SDK1: variants seen among roughly 807,000 people sequenced by gnomAD.
The protein encoded by SDK1 is sidekick cell adhesion molecule 1.
In SDK1, 157 loss-of-function variants were observed where a neutral mutation model predicts 245.5. The observed-to-expected ratio is 0.64, with a 90% CI of 0.56 to 0.73. The LOEUF is 0.73. Ranked by LOEUF, SDK1 falls within the 30% of genes least tolerant of loss-of-function variation. The pLI is 0.00. For missense variants in SDK1, 3,583 were observed against 3,002.3 expected (o/e 1.19, Z -4.52); for synonymous variants, 1,647 against 1,278.5 (o/e 1.29, Z -6.15).
In SDK1 at chr7:4,267,400, A is replaced by G; in HGVS notation, c.*2016A>G. Reference sequence around the variant, plus strand: ...GGAAATATTCTAAACCAAAAATCCTAGATGCTCTGCCCAAAGCCACTTCTG... The same window carrying G: ...GGAAATATTCTAAACCAAAAATCCTGGATGCTCTGCCCAAAGCCACTTCTG... On this transcript the variant is annotated 3_prime_UTR_variant, in exon 45 of 45. Transcript: ENST00000404826. The G allele has an allele frequency of 1.3e-5, 13 of 984,902 alleles. No homozygotes were observed. Among genetic ancestry groups the G allele is most frequent in the African/African-American group, 1.8e-5 (1 of 57,116 alleles). 61.0% of individuals were successfully genotyped at this position (984,902 alleles called of 1,614,324 possible). A position where few individuals can be genotyped will look rare whatever the true frequency, so the allele number is the denominator to read the frequency against.
intron 1 of SDK1, among the ~76,000 whole-genome samples, chr7:3,612,829 C>T (rs1226322398): frequency 6.6e-6 from 1 of 152,136 alleles, no homozygotes; most frequent in Non-Finnish European, 1.5e-5. Context: ...ACCTGATTGA[C>T]GGTGCTGATT....
chr7:3,852,302 G>T (rs2115103806), intron 5 of SDK1, among the ~76,000 whole-genome samples: 1 of 152,050 alleles, frequency 6.6e-6, no homozygotes, highest in East Asian at 1.9e-4. Flanking sequence ...ATGGCACCAG[G>T]CCTTTGAAGG....
At chr7:3,318,830 G>A (rs1779725849) in intron 1 of SDK1, among the ~76,000 whole-genome samples, 1 of 152,200 alleles carries the variant, frequency 6.6e-6, no homozygotes, top group Non-Finnish European at 1.5e-5. Context: ...ATGCTCCAGA[G>A]TGAATTTAAT....
intron 5 of SDK1, among the ~76,000 whole-genome samples, chr7:3,851,557 A>G (rs1182090320): frequency 1.3e-5 from 2 of 151,398 alleles, no homozygotes; most frequent in African/African-American, 4.9e-5. Context: ...AATTGAGATC[A>G]GTAATATCTT....
In SDK1 at chr7:4,237,779, G is replaced by A. The variant is rs765400808; in HGVS notation, c.6125G>A (p.Ser2042Asn). ...HGQNKKYKNC[S>N]TGKGISTMEE... is the part of the protein sequence containing the mutation. ...CAGAATAAGAAGTATAAGAACTGCA[G>A]CACAGGTGCAGGTCCAGCCCCTTCC... Residue 2042 changes from serine (S) to asparagine (N), a missense_variant, in exon 42 of 45, where the codon AGC becomes AAC. Physicochemically the swap from Ser to Asn is conservative, Grantham distance 46. Transcript: ENST00000404826. The A allele has an allele frequency of 3.1e-6, 5 of 1,614,156 alleles. 1 individual carries two copies. The highest frequency in any genetic ancestry group is 2.2e-5 in the South Asian group (2 of 91,088).
intron 35 of SDK1, among the ~76,000 whole-genome samples, chr7:4,192,879 A>G (rs1250765976): frequency 2.0e-5 from 3 of 151,768 alleles, no homozygotes; most frequent in African/African-American, 7.3e-5. Context: ...GACATCATAT[A>G]TAGAGGTTTA....
At chr7:3,932,948 G>A (rs764617929) in intron 5 of SDK1, among the ~76,000 whole-genome samples, 1 of 151,616 alleles carries the variant, frequency 6.6e-6, no homozygotes, top group African/African-American at 2.4e-5. Context: ...CAGAATCAGG[G>A]CTCTCCACTC....
intron 1 of SDK1, among the ~76,000 whole-genome samples, chr7:3,318,965 T>C (rs998763810): frequency 1.3e-5 from 2 of 151,904 alleles, no homozygotes; most frequent in African/African-American, 2.4e-5. Context: ...AATGTGGGGC[T>C]GAAATGCCAC....
At position 3,969,320 on chromosome 7, in the gene SDK1, G is replaced by A. The variant is rs200518584; in HGVS notation, c.1610G>A (p.Gly537Asp). ...AGGTTCATGCTTCTTGAATCGGGGG[G>A]TCTACAGATCGCGCCCGTCTTCATC... ...IPRFMLLESG[G>D]LQIAPVFIQD... The change falls in exon 11 of 45, where the codon GGT (glycine) becomes GAT (aspartate). Residue 537 changes from glycine to aspartate, a missense_variant. Coordinates refer to ENST00000404826, the MANE Select transcript of SDK1 (RefSeq NM_152744.4). 4 of 1,610,988 alleles carry A rather than the reference G, an allele frequency of 2.5e-6. No homozygotes were observed. The highest frequency in any genetic ancestry group is 1.7e-6 in the Non-Finnish European group (2 of 1,178,692).
chr7:3,602,705 C>G, intron 1 of SDK1, among the ~76,000 whole-genome samples: 1 of 151,994 alleles, frequency 6.6e-6, no homozygotes, highest in East Asian at 1.9e-4. Flanking sequence ...TCAATTTTGG[C>G]TTTTGTTGCC....
intron 19 of SDK1, among the ~76,000 whole-genome samples, chr7:4,052,133 A>G (rs1048939523): frequency 6.6e-6 from 1 of 151,090 alleles, no homozygotes; most frequent in African/African-American, 2.4e-5. Flanking sequence ...CTTCATGTAG[A>G]GTTCAATTTC....
At chr7:4,139,084 G>T (rs1779288582) in intron 28 of SDK1, among the ~76,000 whole-genome samples, 1 of 152,124 alleles carries the variant, frequency 6.6e-6, no homozygotes, top group Non-Finnish European at 1.5e-5. Flanking sequence ...AGGCTAACAG[G>T]TTCTCCACCG....
At chr7:3,702,411 T>A (rs1185632372) in intron 4 of SDK1, among the ~76,000 whole-genome samples, 1 of 152,246 alleles carries the variant, frequency 6.6e-6, no homozygotes, top group East Asian at 1.9e-4. Flanking sequence ...GAAGTGATGA[T>A]GGAAGTGTGT....
At chr7:3,902,203 T>G (rs904528097) in intron 5 of SDK1, among the ~76,000 whole-genome samples, 2 of 152,058 alleles carry the variant, frequency 1.3e-5, no homozygotes, top group East Asian at 3.8e-4. Context: ...CGCGTGTGCA[T>G]GTGTGTGTGT....
chr7:3,514,957 A>G (rs1204020757), intron 1 of SDK1, among the ~76,000 whole-genome samples: 1 of 152,234 alleles, frequency 6.6e-6, no homozygotes, highest in Non-Finnish European at 1.5e-5. Flanking sequence ...ACAAATCAGA[A>G]CAATAATCAC....
intron 25 of SDK1, among the ~76,000 whole-genome samples, chr7:4,121,102 T>A (rs192943728): frequency 2.6e-5 from 4 of 152,336 alleles, no homozygotes; most frequent in Admixed American, 2.6e-4. Flanking sequence ...GACTTTGTTT[T>A]TTTTCAGACA....
intron 14 of SDK1, among the ~76,000 whole-genome samples, chr7:4,004,077 C>T (rs534268592): frequency 9.9e-5 from 15 of 152,222 alleles, no homozygotes; most frequent in African/African-American, 3.6e-4. Context: ...TTTTATCCCC[C>T]TCAAGGTTAC....
chr7:3,603,158 G>A (rs76566332), intron 1 of SDK1, among the ~76,000 whole-genome samples: 63,713 of 132,572 alleles, frequency 0.48, 15,651 homozygotes, highest in South Asian at 0.7. Context: ...TTGACTTGGC[G>A]ATGCGGGCTC....
intron 1 of SDK1, among the ~76,000 whole-genome samples, chr7:3,416,301 C>T (rs1163795714): frequency 6.6e-6 from 1 of 152,042 alleles, no homozygotes; most frequent in African/African-American, 2.4e-5. Context: ...GTTGGTCTCA[C>T]TTTTTTGTGT....
Sources: allele counts gnomAD v4.1 joint callset (sites outside exome capture counted in the v4.1 genomes callset), GRCh38; gene constraint gnomAD v4.1.1; transcripts MANE v1.5; gene names NCBI Gene and HGNC (gene_info 2026-07-23, HGNC 2026-07-21).